Variants in GRM8 observed in about 807,000 individuals in gnomAD.
The protein encoded by GRM8 is glutamate metabotropic receptor 8, also known as metabotropic glutamate receptor 8.
A neutral mutation model predicts 87.2 loss-of-function variants in GRM8; 47 were observed. The ratio of observed to expected loss-of-function variants is 0.54; its 90% CI spans 0.43 to 0.69. GRM8 has a LOEUF of 0.69. GRM8 is among the 30% of genes least tolerant of loss of function. The pLI, the probability that GRM8 is intolerant of heterozygous loss-of-function variation, is 0.00. For synonymous variants in GRM8, 396 were observed against 404.5 expected (o/e 0.98, Z 0.25); for missense variants, 1,019 against 1,139.2 (o/e 0.89, Z 1.52).
At position 127,209,149 on chromosome 7, in the gene GRM8, C is replaced by A. The variant is rs527960522; in HGVS notation, c.510+33546G>T. Among the ~76,000 whole-genome samples, 7 of 152,320 alleles carry A rather than the reference C, an allele frequency of 4.6e-5. No individual in the cohort carries two copies. The South Asian group carries it at 1.2e-3, about 27-fold the overall frequency. ...GGTTTCTCCCTTCTCTCTACCTCAA[C>A]AAGATTTAGCACCTAGAACAAGACA... On this transcript the variant is annotated intron_variant, in intron 2 of 10. Coordinates refer to ENST00000339582, the MANE Select transcript of GRM8 (RefSeq NM_000845.3).
chr7:126,595,033 A>C (rs1323937397), intron 8 of GRM8, among the ~76,000 whole-genome samples: 1 of 152,140 alleles, frequency 6.6e-6, no homozygotes, highest in African/African-American at 2.4e-5. Flanking sequence ...GTCAACAATA[A>C]AAAGCAATGC....
chr7:127,116,243 T>A (rs961788001), intron 2 of GRM8, among the ~76,000 whole-genome samples: 3 of 152,222 alleles, frequency 2.0e-5, no homozygotes, highest in African/African-American at 7.2e-5. Context: ...TTCCATATAT[T>A]TCAGTACTCT....
At chr7:126,737,128 C>T (rs1004507702) in intron 7 of GRM8, among the ~76,000 whole-genome samples, 1 of 152,040 alleles carries the variant, frequency 6.6e-6, no homozygotes, top group Non-Finnish European at 1.5e-5. Flanking sequence ...AGGAATCATG[C>T]AGCTGGAGAC....
intron 7 of GRM8, among the ~76,000 whole-genome samples, chr7:126,755,457 G>A (rs1452026664): frequency 6.6e-6 from 1 of 151,794 alleles, no homozygotes; most frequent in Non-Finnish European, 1.5e-5. Flanking sequence ...AATAAATACG[G>A]GGACAGAAAA....
chr7:126,508,459 C>G (rs527864028), intron 9 of GRM8, among the ~76,000 whole-genome samples: 114 of 152,136 alleles, frequency 7.5e-4, no homozygotes, highest in Non-Finnish European at 1.3e-3. Context: ...AACCTCATGA[C>G]CTAAACACCT....
At chr7:126,497,130 G>A (rs1005225629) in intron 9 of GRM8, among the ~76,000 whole-genome samples, 5 of 151,632 alleles carry the variant, frequency 3.3e-5, no homozygotes, top group Non-Finnish European at 7.4e-5. Flanking sequence ...TTCAGCGTGT[G>A]GATAGAATGC....
intron 7 of GRM8, among the ~76,000 whole-genome samples, chr7:126,691,907 G>A (rs1243011240): frequency 2.6e-5 from 4 of 152,032 alleles, no homozygotes; most frequent in Non-Finnish European, 5.9e-5. Context: ...TAGATCTTCG[G>A]GCCCTTTTAA....
chr7:126,603,549 A>C (rs1188653369), intron 8 of GRM8, among the ~76,000 whole-genome samples: 2 of 152,066 alleles, frequency 1.3e-5, no homozygotes, highest in Non-Finnish European at 2.9e-5. Context: ...CTCAGGATAC[A>C]AAATCAATGT....
At chr7:126,757,562 C>CT (rs1487250566) in intron 7 of GRM8, among the ~76,000 whole-genome samples, 1 of 152,114 alleles carries the variant, frequency 6.6e-6, no homozygotes, top group Non-Finnish European at 1.5e-5. Context: ...ATTTGAATTA[C>CT]TTTTTTAAAT....
chr7:126,799,165 T>C (rs1057204336), intron 6 of GRM8, among the ~76,000 whole-genome samples: 1 of 152,076 alleles, frequency 6.6e-6, no homozygotes, highest in African/African-American at 2.4e-5. Context: ...TGGGAAAAGA[T>C]AGAAATGCAG....
chr7:126,923,208 T>G (rs1804721111), intron 3 of GRM8, among the ~76,000 whole-genome samples: 1 of 152,230 alleles, frequency 6.6e-6, no homozygotes, highest in Admixed American at 6.5e-5. Flanking sequence ...TTGTTTGTTT[T>G]GGTGGCATAA....
intron 3 of GRM8, among the ~76,000 whole-genome samples, chr7:127,102,111 C>A (rs1308613405): frequency 6.6e-6 from 1 of 152,128 alleles, no homozygotes; most frequent in Non-Finnish European, 1.5e-5. Context: ...GGGTATACAG[C>A]AGAAGAAATT....
At chr7:126,633,266 A>C (rs1306316828) in intron 7 of GRM8, among the ~76,000 whole-genome samples, 1 of 152,082 alleles carries the variant, frequency 6.6e-6, no homozygotes, top group African/African-American at 2.4e-5. Flanking sequence ...TTCTGTAAAA[A>C]ACAAACAAAC....
In GRM8 at chr7:126,806,000, T is replaced by C. The variant is rs1333319231; in HGVS notation, c.1157-35935A>G. 3.3e-5 allele frequency among the ~76,000 whole-genome samples: 5 copies of C among 152,170 alleles called. No homozygotes were observed. The East Asian group carries it at 9.6e-4, about 29-fold the overall frequency. Reference sequence around the variant, plus strand: ...GTTTTTGGGGTCCTGAAGTTTTGCTTTGATTCAGACAAGAGTTTTGTCCCT... The same window carrying C: ...GTTTTTGGGGTCCTGAAGTTTTGCTCTGATTCAGACAAGAGTTTTGTCCCT... On this transcript the variant is annotated intron_variant, in intron 6 of 10. Transcript: ENST00000339582.
chr7:126,455,063 A>G (rs778024823), intron 9 of GRM8, among the ~76,000 whole-genome samples: 1 of 151,730 alleles, frequency 6.6e-6, no homozygotes, highest in Non-Finnish European at 1.5e-5. Context: ...ATGAGTTTAG[A>G]TACTGTACAA....
At chr7:126,918,417 T>C (rs181255171) in intron 3 of GRM8, among the ~76,000 whole-genome samples, 1 of 152,054 alleles carries the variant, frequency 6.6e-6, no homozygotes, top group Non-Finnish European at 1.5e-5. Flanking sequence ...CAAAAGGAGA[T>C]TTAATCTAAC....
rs71177555 is a variant in GRM8, at chr7:126,453,070, A to AACAC, written c.2431-6702_2431-6699dup. Among the ~76,000 whole-genome samples the AACAC allele has an allele frequency of 6.8e-3, 995 of 146,028 alleles. 7 individuals are homozygous for AACAC. The highest frequency in any genetic ancestry group is 0.016 in the African/African-American group (635 of 39,354). ...CAAGACTTTTAGCCTTTATAGCAGA[A>AACAC]ACACACACACACACACACACACACA... On this transcript the variant is annotated intron_variant, in intron 9 of 10. Coordinates refer to ENST00000339582, the MANE Select transcript of GRM8 (RefSeq NM_000845.3).
Position 126,612,733 on chromosome 7 carries a change from A to G in GRM8, c.1358-3235T>C, listed in dbSNP as rs147073506. Among the ~76,000 whole-genome samples the G allele has an allele frequency of 2.7e-3, 417 of 152,376 alleles. 16 individuals carry two copies. In the East Asian group the frequency reaches 0.067, roughly 25 times the overall value. ...TCTTTGTAAGCACTGCAGCAAAGAC[A>G]GTGTTCAGTACTGAGCAAGTAATCA... On this transcript the variant is annotated intron_variant, in intron 7 of 10. Coordinates refer to ENST00000339582, the MANE Select transcript of GRM8 (RefSeq NM_000845.3).
intron 6 of GRM8, among the ~76,000 whole-genome samples, chr7:126,883,870 T>C (rs1212068830): frequency 6.6e-6 from 1 of 152,158 alleles, no homozygotes; most frequent in African/African-American, 2.4e-5. Flanking sequence ...GATAAACTGA[T>C]AATCAATGAA....
Sources: gnomAD v4.1 joint callset for allele counts (sites outside exome capture counted in the v4.1 genomes callset) on GRCh38, gnomAD v4.1.1 for gene constraint, MANE v1.5 for transcripts, NCBI Gene and HGNC (gene_info 2026-07-23, HGNC 2026-07-21) for gene names.